MCOLN3: variants seen among roughly 807,000 people sequenced by gnomAD.
MCOLN3 encodes mucolipin-3.
Under a neutral mutation model 69.4 loss-of-function variants are expected in MCOLN3, and 62 were observed. That is an observed-to-expected ratio of 0.89 (90% confidence interval 0.73 to 1.10). MCOLN3 has a LOEUF of 1.10. Ranked by LOEUF, MCOLN3 falls within the 50% of genes least tolerant of loss-of-function variation. The pLI is 0.00. For missense variants in MCOLN3, 564 were observed against 656.4 expected, an observed-to-expected ratio of 0.86 and a Z score of 1.54; for synonymous variants, 183 against 217.0, an observed-to-expected ratio of 0.84 and a Z score of 1.38.
chr1:85,041,929 T>TC (rs1335886969), intron 2 of MCOLN3, among the ~76,000 whole-genome samples: 2 of 150,046 alleles, frequency 1.3e-5, no homozygotes, highest in Non-Finnish European at 3.0e-5. Context: ...TGTCTTCTCT[T>TC]CCCTCTCATC....
At chr1:85,033,015 G>C in intron 4 of MCOLN3, 59 bp from the exon 5 acceptor site, 1 of 1,372,930 alleles carries the variant, frequency 7.3e-7, no homozygotes, top group Non-Finnish European at 1.0e-6. Context: ...CATTTTGAAA[G>C]GCTGATACAT....
intron 1 of MCOLN3, among the ~76,000 whole-genome samples, chr1:85,046,335 G>C (rs752323438): frequency 6.6e-6 from 1 of 151,942 alleles, no homozygotes; most frequent in Non-Finnish European, 1.5e-5. Context: ...GTTTGAAAAG[G>C]GTTGGGTCGG....
chr1:85,034,144 G>A lies in MCOLN3; in HGVS notation c.504C>T (p.Ile168=). 1.2e-6 allele frequency: 2 copies of A among 1,614,210 alleles called. No homozygotes were observed. The highest frequency in any genetic ancestry group is 1.7e-6 in the Non-Finnish European group (2 of 1,180,018). The part of the protein sequence containing the change: ...ICQHFYKRGN[I]YPGNDTFDID... Reference sequence around the variant, plus strand: ...TGTCAAAGGTATCATTTCCAGGGTAGATGTTTCCTCGCTTGTAGAAGTGCT... The same window carrying A: ...TGTCAAAGGTATCATTTCCAGGGTAAATGTTTCCTCGCTTGTAGAAGTGCT... Residue 168 remains isoleucine (I), a synonymous_variant, in exon 4 of 13, where the codon ATC becomes ATT. Transcript: ENST00000370589.
chr1:85,045,312 C>T lies in MCOLN3; in HGVS notation c.49G>A (p.Glu17Lys). Reference sequence around the variant, plus strand: ...TGCTGGTTAAAATTGCAGCGATTTTCCTCTTCATGAGAGCTGCAGCTACTC... The same window carrying T: ...TGCTGGTTAAAATTGCAGCGATTTTTCTCTTCATGAGAGCTGCAGCTACTC... The part of the protein sequence containing the change: ...VVSSCSSHEE[E>K]NRCNFNQQTS... Residue 17 changes from glutamate (E) to lysine (K), a missense_variant, in exon 2 of 13, where the codon GAA (glutamate) becomes AAA (lysine). By Grantham distance (56) the Glu-to-Lys change is moderately conservative. Coordinates refer to ENST00000370589, the MANE Select transcript of MCOLN3 (RefSeq NM_018298.11). The T allele has an allele frequency of 6.2e-7, 1 of 1,614,086 alleles. No homozygotes were observed. The highest frequency in any genetic ancestry group is 1.1e-5 in the South Asian group (1 of 91,060).
chr1:85,025,723 G>A, intron 9 of MCOLN3: 2 of 509,050 alleles, frequency 3.9e-6, no homozygotes. Flanking sequence ...GGCACCCAAT[G>A]ATTCTGATGC....
At position 85,034,116 on chromosome 1, in the gene MCOLN3, CG is replaced by C; in HGVS notation, c.531del (p.Ile177MetfsTer28). ...NIYPGNDTFD[I>X]DPEIETECFF... is the part of the protein sequence containing the mutation. ...ACATCACCAGTTTCAATTTCTGGAT[CG>C]ATGTCAAAGGTATCATTTCCAGGGT... On this transcript the variant is annotated frameshift_variant, in exon 4 of 13. Coordinates refer to ENST00000370589, the MANE Select transcript of MCOLN3 (RefSeq NM_018298.11). LOFTEE classifies it high-confidence loss of function. The C allele has an allele frequency of 6.2e-7, 1 of 1,614,130 alleles. No homozygotes were observed. Among genetic ancestry groups the C allele is most frequent in the Non-Finnish European group, 8.5e-7 (1 of 1,180,018 alleles).
rs867513777 is a variant in MCOLN3, at chr1:85,048,380, C to G, written c.-3+16G>C. The G allele has an allele frequency of 6.6e-6, 1 of 151,854 alleles. No individual in the cohort carries two copies. Among genetic ancestry groups the G allele is most frequent in the African/African-American group, 2.4e-5 (1 of 41,388 alleles). The allele number at this position is 151,854 out of a possible 1,614,324, so 9.4% of individuals were successfully genotyped here. On this transcript the variant is annotated intron_variant, in intron 1 of 12. Transcript: ENST00000370589. ...CGCGACACCCGACGCCCCGGGGCAG[C>G]GCCCCGCGGGCTCACCTGGGGGACA...
At chr1:85,022,224 T>G (rs371794174) in intron 10 of MCOLN3, 32 bp from the exon 11 acceptor site, 11 of 1,613,788 alleles carry the variant, frequency 6.8e-6, no homozygotes, top group Non-Finnish European at 9.3e-6. Flanking sequence ...TTAGAATGGT[T>G]TTGTCCTTTA....
chr1:85,039,864 T>C (rs1156669227), intron 3 of MCOLN3, among the ~76,000 whole-genome samples: 7 of 151,354 alleles, frequency 4.6e-5, no homozygotes, highest in Admixed American at 4.6e-4. Flanking sequence ...GGTGGGAAGA[T>C]CACTTGTGCC....
chr1:85,018,880 C>A lies in MCOLN3; in HGVS notation c.*243G>T, dbSNP rs186406606. On this transcript the variant is annotated 3_prime_UTR_variant, in exon 13 of 13. Coordinates refer to ENST00000370589, the MANE Select transcript of MCOLN3 (RefSeq NM_018298.11). ...CATTCTAAAGCCATGGCAAAATAAA[C>A]AAGAAATAATAATAATCCAATAGCT... The A allele has an allele frequency of 1.6e-4, 64 of 406,566 alleles. No individual in the cohort carries two copies. The East Asian group carries it at 1.9e-3, about 12-fold the overall frequency. The allele number at this position is 406,566 out of a possible 1,614,324, so 25.2% of individuals were successfully genotyped here.
chr1:85,021,100 T>C lies in MCOLN3; in HGVS notation c.1497A>G (p.Ala499=), dbSNP rs1464748429. ...TTGTTTCGTATGTATCAGTGATCAG[T>C]GCAATGAAAAGACTTAAAATCATAT... ...FIYMILSLFI[A]LITDTYETIK... The change falls in exon 12 of 13, where the codon GCA becomes GCG. Residue 499 remains alanine (A), a synonymous_variant. Transcript: ENST00000370589. The C allele has an allele frequency of 1.9e-6, 3 of 1,610,814 alleles. No homozygotes were observed. The highest frequency in any genetic ancestry group is 2.5e-6 in the Non-Finnish European group (3 of 1,178,904).
chr1:85,029,888 T>A (rs1006670148), intron 6 of MCOLN3: 1 of 152,206 alleles, frequency 6.6e-6, no homozygotes, highest in Non-Finnish European at 1.5e-5. Context: ...AATCAATCCG[T>A]TTCATTTCTG....
rs745535528 is a variant in MCOLN3, at chr1:85,022,315, A to T, written c.1181T>A (p.Phe394Tyr). ...ATTCCTTACGTTGTACTTTGCAAAG[A>T]AACCGAGGTATCGGATGACTCCAAG... is the stretch of plus-strand genomic sequence containing the variant. Reference protein sequence around the residue: ...VWLGVIRYLGFFAKYNLLILT... With the variant: ...VWLGVIRYLGYFAKYNLLILT... Residue 394 changes from phenylalanine (F) to tyrosine (Y), a missense_variant, in exon 10 of 13, where the codon TTC (phenylalanine) becomes TAC (tyrosine). Transcript: ENST00000370589. 7 of 1,613,918 alleles carry T rather than the reference A, an allele frequency of 4.3e-6. No homozygotes were observed. Among genetic ancestry groups the T allele is most frequent in the Middle Eastern group, 1.6e-4 (1 of 6,082 alleles).
Position 85,041,116 on chromosome 1 carries a change from G to A in MCOLN3, c.290C>T (p.Ala97Val). The A allele has an allele frequency of 6.8e-6, 11 of 1,613,906 alleles. No individual in the cohort carries two copies. The highest frequency in any genetic ancestry group is 9.3e-6 in the Non-Finnish European group (11 of 1,179,844). The change falls in exon 3 of 13, where the codon GCA (alanine) becomes GTA (valine). Residue 97 changes from alanine (A) to valine (V), a missense_variant. Ala to Val is a moderately conservative substitution (Grantham distance 64). Coordinates refer to ENST00000370589, the MANE Select transcript of MCOLN3 (RefSeq NM_018298.11). ...VVAFKEENTI[A>V]FKHLFLKGYM... is the part of the protein sequence containing the mutation. The stretch of plus-strand genomic sequence containing the variant: ...TCCTTTTAGGAAAAGGTGTTTGAAT[G>A]CTATAGTATTCTCTTCCTTGAAAGC...
chr1:85,033,996 A>G, intron 4 of MCOLN3, 102 bp downstream of exon 4: 1 of 1,250,942 alleles, frequency 8.0e-7, no homozygotes, highest in South Asian at 1.4e-5. Flanking sequence ...ACTATGTCCT[A>G]ATATCACAGA....
At chr1:85,019,295 C>A in intron 12 of MCOLN3, 38 bp from the exon 13 acceptor site, 1 of 1,596,206 alleles carries the variant, frequency 6.3e-7, no homozygotes. Flanking sequence ...TATTAATAAG[C>A]TCCTTGAAAA....
intron 2 of MCOLN3, among the ~76,000 whole-genome samples, chr1:85,042,870 C>T (rs1451463034): frequency 6.6e-6 from 1 of 152,182 alleles, no homozygotes. Flanking sequence ...ACAAAGCTGT[C>T]TTTATCTAAT....
intron 3 of MCOLN3, among the ~76,000 whole-genome samples, chr1:85,036,070 G>A (rs1453755756): frequency 6.6e-6 from 1 of 152,106 alleles, no homozygotes; most frequent in African/African-American, 2.4e-5. Context: ...GACAGATGAT[G>A]CTCTTCTATA....
At chr1:85,033,893 A>G (rs546540498) in intron 4 of MCOLN3, among the ~76,000 whole-genome samples, 1 of 152,300 alleles carries the variant, frequency 6.6e-6, no homozygotes, top group African/African-American at 2.4e-5. Flanking sequence ...GATAATAATA[A>G]TCCTTGACTT....
Sources: allele counts gnomAD v4.1 joint callset (sites outside exome capture counted in the v4.1 genomes callset), GRCh38; gene constraint gnomAD v4.1.1; transcripts MANE v1.5; gene names NCBI Gene and HGNC (gene_info 2026-07-23, HGNC 2026-07-21).